NTNG1: variants seen among roughly 807,000 people sequenced by gnomAD.
The protein encoded by NTNG1 is netrin-G1.
A neutral mutation model predicts 54.0 loss-of-function variants in NTNG1; 16 were observed. The ratio of observed to expected loss-of-function variants is 0.30; its 90% confidence interval spans 0.20 to 0.45. The LOEUF is 0.45. Ranked by LOEUF, NTNG1 falls within the 20% of genes least tolerant of loss-of-function variation. The pLI, the probability that NTNG1 is intolerant of heterozygous loss-of-function variation, is 1.00. For synonymous variants in NTNG1, 255 were observed against 263.1 expected (o/e 0.97, Z 0.30); for missense variants, 530 against 678.7 (o/e 0.78, Z 2.43).
intron 2 of NTNG1, among the ~76,000 whole-genome samples, chr1:107,158,909 T>A (rs1325729882): frequency 1.3e-5 from 2 of 152,192 alleles, no homozygotes; most frequent in African/African-American, 2.4e-5. Context: ...ATGTGGGATG[T>A]GTAAAACTAT....
rs898087489 is a variant in NTNG1, at chr1:107,191,510, T to C, written c.246+42671T>C. Reference sequence around the variant, plus strand: ...GACATGAAGTCCTTGCCCATGCCTATGTCCTCAATGGTATTGCCTAGGTTT... The same window carrying C: ...GACATGAAGTCCTTGCCCATGCCTACGTCCTCAATGGTATTGCCTAGGTTT... On this transcript the variant is annotated intron_variant, in intron 2 of 7. Coordinates refer to ENST00000370068, the MANE Select transcript of NTNG1 (RefSeq NM_001113226.3). 7.2e-3 allele frequency among the ~76,000 whole-genome samples: 1,095 copies of C among 152,330 alleles called. 9 individuals carry two copies. The highest frequency in any genetic ancestry group is 0.025 in the African/African-American group (1,024 of 41,568).
chr1:107,185,623 T>G (rs1286287552), intron 2 of NTNG1, among the ~76,000 whole-genome samples: 5 of 152,208 alleles, frequency 3.3e-5, no homozygotes, highest in Non-Finnish European at 7.3e-5. Context: ...GGGACACTAT[T>G]GAAGTCAGAA....
chr1:107,324,893 C>T lies in NTNG1; in HGVS notation c.858C>T (p.Tyr286=), dbSNP rs1667860436. ...AGCTACACTTGGCACGCTACTTTTA[C>T]GCGATCTCAGACATAAAGGTGCGAG... ...VDELHLARYF[Y]AISDIKVRGR... Residue 286 remains tyrosine, a synonymous_variant, in exon 3 of 8, where the codon TAC becomes TAT. Transcript: ENST00000370068. The T allele has an allele frequency of 4.3e-6, 7 of 1,612,622 alleles. No individual in the cohort carries two copies. Among genetic ancestry groups the T allele is most frequent in the African/African-American group, 2.7e-5 (2 of 74,970 alleles).
In NTNG1 at chr1:107,478,158, G is replaced by A. The variant is rs192360087; in HGVS notation, c.1391-2453G>A. On this transcript the variant is annotated intron_variant, in intron 7 of 7. Transcript: ENST00000370068. Reference sequence around the variant, plus strand: ...TAAGATCCATAATTAGGTTAGATGTGCTTCTAGCCCATGATTCCAACAGTT... The same window carrying A: ...TAAGATCCATAATTAGGTTAGATGTACTTCTAGCCCATGATTCCAACAGTT... Among the ~76,000 whole-genome samples the A allele has an allele frequency of 2.2e-3, 328 of 152,250 alleles. 2 individuals carry two copies. The highest frequency in any genetic ancestry group is 7.6e-3 in the African/African-American group (314 of 41,554).
At chr1:107,212,348 A>G (rs1659652319) in intron 2 of NTNG1, among the ~76,000 whole-genome samples, 1 of 152,162 alleles carries the variant, frequency 6.6e-6, no homozygotes, top group Non-Finnish European at 1.5e-5. Context: ...TACTTTACAT[A>G]TCTGATCTTG....
At chr1:107,266,221 A>G (rs60597487) in intron 2 of NTNG1, among the ~76,000 whole-genome samples, 2,239 of 152,292 alleles carry the variant, frequency 0.015, 55 homozygotes, top group African/African-American at 0.051. Flanking sequence ...AAATGCTTAT[A>G]TGAGGAAAAT....
rs531516265 is a variant in NTNG1 at position 107,449,084 on chromosome 1, T to A, written c.1390+12285T>A. 1.3e-3 allele frequency among the ~76,000 whole-genome samples: 200 copies of A among 152,226 alleles called. 1 individual carries two copies. Among genetic ancestry groups the A allele is most frequent in the African/African-American group, 4.7e-3 (197 of 41,570 alleles). ...AAACTCATAACTCAGTTAATTGTTA[T>A]GAATTATTAATTGCTTATTTGAAAA... is the stretch of plus-strand genomic sequence containing the variant. On this transcript the variant is annotated intron_variant, in intron 7 of 7. Transcript: ENST00000370068.
intron 5 of NTNG1, chr1:107,409,525 C>CTGTTTTGTTT (rs563231955): frequency 6.6e-6 from 1 of 152,070 alleles, no homozygotes; most frequent in Non-Finnish European, 1.5e-5. Flanking sequence ...CAGGAAATTT[C>CTGTTTTGTTT]TGTTTTGTTT....
chr1:107,265,835 A>G (rs11185077), intron 2 of NTNG1, among the ~76,000 whole-genome samples: 18,605 of 152,138 alleles, frequency 0.12, 1,543 homozygotes, highest in East Asian at 0.41. Context: ...AGATGGGAGT[A>G]CTCTCTCTGG....
intron 2 of NTNG1, among the ~76,000 whole-genome samples, chr1:107,253,385 G>T (rs1354028767): frequency 6.6e-6 from 1 of 152,140 alleles, no homozygotes; most frequent in Non-Finnish European, 1.5e-5. Context: ...ATTGAATTTG[G>T]AATCCAAGTA....
chr1:107,191,825 C>T (rs1030838507), intron 2 of NTNG1, among the ~76,000 whole-genome samples: 43 of 152,128 alleles, frequency 2.8e-4, no homozygotes, highest in Admixed American at 5.9e-4. Flanking sequence ...GTTTTGGTTA[C>T]TGTAGCCTTG....
At chr1:107,263,298 TTCC>T (rs1160701719) in intron 2 of NTNG1, among the ~76,000 whole-genome samples, 2 of 151,494 alleles carry the variant, frequency 1.3e-5, no homozygotes, top group Non-Finnish European at 2.9e-5. Context: ...CCTTCCTTCC[TTCC>T]TTCCTTCCTT....
At chr1:107,336,352 G>A (rs1408071818) in intron 3 of NTNG1, among the ~76,000 whole-genome samples, 7 of 151,598 alleles carry the variant, frequency 4.6e-5, no homozygotes, top group African/African-American at 9.7e-5. Context: ...CAAGACCATC[G>A]AGTGAGGAAA....
At chr1:107,327,668 T>A (rs964476111) in intron 3 of NTNG1, among the ~76,000 whole-genome samples, 2 of 151,912 alleles carry the variant, frequency 1.3e-5, no homozygotes, top group Non-Finnish European at 2.9e-5. Flanking sequence ...CTATATCTGA[T>A]CATGATAATG....
intron 3 of NTNG1, among the ~76,000 whole-genome samples, chr1:107,333,462 C>A (rs1309511511): frequency 6.6e-6 from 1 of 151,820 alleles, no homozygotes; most frequent in African/African-American, 2.4e-5. Context: ...TATTAAAGAC[C>A]CTGAGGTGTC....
intron 2 of NTNG1, among the ~76,000 whole-genome samples, chr1:107,188,700 G>C (rs1166421361): frequency 6.6e-6 from 1 of 151,980 alleles, no homozygotes; most frequent in Non-Finnish European, 1.5e-5. Flanking sequence ...TGGGTCTCTT[G>C]GTAATCTATC....
At chr1:107,443,023 C>G (rs985712764) in intron 7 of NTNG1, among the ~76,000 whole-genome samples, 7 of 152,122 alleles carry the variant, frequency 4.6e-5, no homozygotes, top group African/African-American at 1.7e-4. Context: ...CCAATAGAAG[C>G]TGAACAGGCT....
intron 7 of NTNG1, among the ~76,000 whole-genome samples, chr1:107,446,709 T>C (rs913660854): frequency 6.6e-6 from 1 of 152,150 alleles, no homozygotes; most frequent in African/African-American, 2.4e-5. Flanking sequence ...AATAATGTTA[T>C]AACCCATCAC....
At chr1:107,204,125 T>G (rs1257661068) in intron 2 of NTNG1, among the ~76,000 whole-genome samples, 1 of 151,970 alleles carries the variant, frequency 6.6e-6, no homozygotes. Flanking sequence ...GATGTTTCTG[T>G]TTTGTTTTGT....
Sources: allele counts gnomAD v4.1 joint callset (sites outside exome capture counted in the v4.1 genomes callset), GRCh38; gene constraint gnomAD v4.1.1; transcripts MANE v1.5; gene names NCBI Gene and HGNC (gene_info 2026-07-23, HGNC 2026-07-21).